The following ERBB4 variants were observed in gnomAD, a reference collection of about 807,000 sequenced individuals.
The protein encoded by ERBB4 is receptor tyrosine-protein kinase erbB-4.
ERBB4 carries 42 observed loss-of-function variants against 158.0 expected under a neutral mutation model. That is an observed-to-expected ratio of 0.27 (90% CI 0.21 to 0.34). ERBB4 has a LOEUF of 0.34. Among genes scored for constraint, ERBB4 ranks in the 10% least tolerant of loss-of-function variants. ERBB4 has a pLI of 1.00. For synonymous variants in ERBB4, 583 were observed against 558.7 expected, an observed-to-expected ratio of 1.04 and a Z score of -0.61; for missense variants, 1,333 against 1,624.1, an observed-to-expected ratio of 0.82 and a Z score of 3.08.
At chr2:211,431,224 G>C (rs1037583309) in intron 20 of ERBB4, 124 bp from the exon 21 acceptor site, 1 of 832,336 alleles carries the variant, frequency 1.2e-6, no homozygotes, top group African/African-American at 1.7e-5. Flanking sequence ...CAGAATCCTA[G>C]AATATTTTCA....
At chr2:212,036,360 A>AT (rs200551074) in intron 2 of ERBB4, among the ~76,000 whole-genome samples, 29 of 149,718 alleles carry the variant, frequency 1.9e-4, no homozygotes, top group Admixed American at 4.7e-4. Flanking sequence ...TCAAGAGTAC[A>AT]TTTTTTTTTT....
chr2:211,691,044 T>C (rs1285935501), intron 12 of ERBB4, among the ~76,000 whole-genome samples: 1 of 152,100 alleles, frequency 6.6e-6, no homozygotes, highest in Non-Finnish European at 1.5e-5. Context: ...AAGTAATGGA[T>C]TTTGCTACAG....
chr2:211,454,805 T>C (rs981996556), intron 20 of ERBB4, among the ~76,000 whole-genome samples: 3 of 152,212 alleles, frequency 2.0e-5, no homozygotes, highest in African/African-American at 7.2e-5. Context: ...GCAAAGGTAA[T>C]AACTTTTCCT....
intron 1 of ERBB4, among the ~76,000 whole-genome samples, chr2:212,300,112 G>A (rs1857796): frequency 0.73 from 110,634 of 151,410 alleles, 45,154 homozygotes; most frequent in Non-Finnish European, 0.9. Context: ...AGGTTAATTT[G>A]AACTGTTCAC....
rs113953333 is a variant in ERBB4 at position 212,156,491 on chromosome 2, G to A, written c.83-31588C>T. Among the ~76,000 whole-genome samples the A allele has an allele frequency of 6.7e-3, 1,013 of 152,140 alleles. 7 individuals are homozygous for A. The highest frequency in any genetic ancestry group is 0.024 in the Middle Eastern group (7 of 294). On this transcript the variant is annotated intron_variant, in intron 1 of 27. Coordinates refer to ENST00000342788, the MANE Select transcript of ERBB4 (RefSeq NM_005235.3). ...ACATCAAAAATTGTCAGCCCGAGGC[G>A]GGGAAGCACGCATACCCAACCAAGC...
chr2:211,503,016 C>T (rs4673621), intron 20 of ERBB4, among the ~76,000 whole-genome samples: 60,229 of 151,870 alleles, frequency 0.4, 12,623 homozygotes, highest in African/African-American at 0.53. Context: ...TGGCTACTTG[C>T]TTGGCCTCAC....
intron 1 of ERBB4, among the ~76,000 whole-genome samples, chr2:212,359,911 C>T (rs1000787581): frequency 1.3e-5 from 2 of 151,062 alleles, no homozygotes; most frequent in African/African-American, 4.9e-5. Flanking sequence ...TAAATGTGCC[C>T]ACTGGGAAAA....
At chr2:211,913,413 C>T (rs922863067) in intron 3 of ERBB4, among the ~76,000 whole-genome samples, 2 of 151,854 alleles carry the variant, frequency 1.3e-5, no homozygotes, top group African/African-American at 4.8e-5. Context: ...TCAGCCTGGC[C>T]AAAATGGTGA....
chr2:212,422,130 T>C (rs1391124961), intron 1 of ERBB4, among the ~76,000 whole-genome samples: 1 of 152,186 alleles, frequency 6.6e-6, no homozygotes, highest in Non-Finnish European at 1.5e-5. Context: ...AGATTTCTAA[T>C]TGCTCAATGG....
rs1307091034 is a variant in ERBB4, at chr2:211,893,255, G to A, written c.421+54175C>T. 1.2e-4 allele frequency among the ~76,000 whole-genome samples: 17 copies of A among 143,890 alleles called. 3 individuals are homozygous for A. The highest frequency in any genetic ancestry group is 1.9e-4 in the East Asian group (1 of 5,164). The allele number at this position is 143,890 out of a possible 152,430, so 94.4% of individuals were successfully genotyped here. On this transcript the variant is annotated intron_variant, in intron 3 of 27. Coordinates refer to ENST00000342788, the MANE Select transcript of ERBB4 (RefSeq NM_005235.3). ...GAACAGAGCCCTCAGAAATAACACC[G>A]CATATCTACAACTATCTGATCTTTG...
chr2:212,221,130 G>C (rs748317418), intron 1 of ERBB4, among the ~76,000 whole-genome samples: 5 of 151,298 alleles, frequency 3.3e-5, no homozygotes, highest in Admixed American at 2.0e-4. Flanking sequence ...TTGAGTGGCA[G>C]TCTCCAGTTG....
At chr2:211,911,847 C>G (rs2079548757) in intron 3 of ERBB4, among the ~76,000 whole-genome samples, 2 of 148,118 alleles carry the variant, frequency 1.4e-5, no homozygotes, top group Admixed American at 1.3e-4. Flanking sequence ...AGTTCTGTTG[C>G]ACAATGTGGT....
intron 1 of ERBB4, among the ~76,000 whole-genome samples, chr2:212,370,454 T>G (rs537802158): frequency 1.8e-4 from 28 of 152,298 alleles, no homozygotes; most frequent in African/African-American, 5.3e-4. Flanking sequence ...TTACAATAAC[T>G]GCCTCTGGTA....
At chr2:212,248,462 G>T (rs1216817790) in intron 1 of ERBB4, among the ~76,000 whole-genome samples, 1 of 152,138 alleles carries the variant, frequency 6.6e-6, no homozygotes, top group Non-Finnish European at 1.5e-5. Context: ...TACTGTCAAT[G>T]ATAAAACTTG....
At chr2:212,468,378 G>T (rs891206574) in intron 1 of ERBB4, among the ~76,000 whole-genome samples, 1 of 152,082 alleles carries the variant, frequency 6.6e-6, no homozygotes, top group Non-Finnish European at 1.5e-5. Flanking sequence ...GGAGGGACCC[G>T]GTGGAAGATG....
chr2:212,531,681 T>C (rs928586683), intron 1 of ERBB4, among the ~76,000 whole-genome samples: 4 of 151,888 alleles, frequency 2.6e-5, no homozygotes, highest in Non-Finnish European at 5.9e-5. Flanking sequence ...AATGAAAAAA[T>C]AAGCATTTTC....
chr2:211,687,668 T>C (rs1263782035), intron 12 of ERBB4, among the ~76,000 whole-genome samples: 2 of 152,112 alleles, frequency 1.3e-5, no homozygotes, highest in African/African-American at 4.8e-5. Flanking sequence ...AACAGGCTTT[T>C]GTTGGGGCTT....
chr2:211,622,742 G>C (rs2069652508), intron 18 of ERBB4, among the ~76,000 whole-genome samples: 2 of 150,824 alleles, frequency 1.3e-5, no homozygotes, highest in Admixed American at 6.6e-5. Context: ...AAGGCGGGTA[G>C]ATCACTTGTC....
At chr2:212,309,089 C>T (rs2086922627) in intron 1 of ERBB4, among the ~76,000 whole-genome samples, 1 of 150,966 alleles carries the variant, frequency 6.6e-6, no homozygotes, top group African/African-American at 2.4e-5. Flanking sequence ...AAATTAGAAG[C>T]AAGCTCACCT....
Sources: allele counts gnomAD v4.1 joint callset (sites outside exome capture counted in the v4.1 genomes callset), GRCh38; gene constraint gnomAD v4.1.1; transcripts MANE v1.5; gene names NCBI Gene and HGNC (gene_info 2026-07-23, HGNC 2026-07-21).